FAM53A: variants seen among roughly 807,000 people sequenced by gnomAD.
FAM53A encodes the protein family with sequence similarity 53 member A.
A neutral mutation model predicts 26.6 loss-of-function variants in FAM53A; 28 were observed. That is an observed-to-expected ratio of 1.05 (90% CI 0.78 to 1.45). The LOEUF is 1.45. FAM53A is among the 40% of genes most tolerant of loss of function. The probability of loss-of-function intolerance (pLI) is 0.00; values close to 1 mark genes in which losing one functional copy is unlikely to be tolerated. For synonymous variants in FAM53A, 290 were observed against 253.1 expected (o/e 1.15, Z -1.38); for missense variants, 650 against 575.8 (o/e 1.13, Z -1.32).
At chr4:1,667,870 C>G (rs1045101744) in intron 2 of FAM53A, among the ~76,000 whole-genome samples, 5 of 152,184 alleles carry the variant, frequency 3.3e-5, no homozygotes, top group Non-Finnish European at 7.4e-5. Flanking sequence ...TGCCATCTAA[C>G]TAGGGCGGGG....
chr4:1,659,160 A>G lies in FAM53A; in HGVS notation c.76-1692T>C, dbSNP rs1379087641. Among the ~76,000 whole-genome samples the G allele has an allele frequency of 1.3e-5, 2 of 152,130 alleles. No homozygotes were observed. The highest frequency in any genetic ancestry group is 2.9e-5 in the Non-Finnish European group (2 of 68,000). ...AGCACGGCGGTGTGGAGCTGTGAGC[A>G]CCCGGCCACACCATGAGGACAGGGC... On this transcript the variant is annotated intron_variant, in intron 2 of 4. Transcript: ENST00000308132. The surrounding 1 kb of genome is among the most constrained non-coding windows in gnomAD (Gnocchi z 5.2).
At chr4:1,685,965 T>C (rs1333098857), upstream of FAM53A, among the ~76,000 whole-genome samples, 1 of 152,122 alleles carries the variant, frequency 6.6e-6, no homozygotes, top group Non-Finnish European at 1.5e-5. Flanking sequence ...GTGTGACTGA[T>C]TAACTTATAT....
At chr4:1,684,592 C>T (rs886405731), upstream of FAM53A, among the ~76,000 whole-genome samples, 1 of 151,742 alleles carries the variant, frequency 6.6e-6, no homozygotes, top group Non-Finnish European at 1.5e-5. Flanking sequence ...TCCTCCAGGC[C>T]TAGAAGGCAA....
chr4:1,641,694 G>A, intron 4 of FAM53A, 87 bp from the exon 5 acceptor site: 1 of 1,399,108 alleles, frequency 7.1e-7, no homozygotes, highest in Non-Finnish European at 1.0e-6. Context: ...GGCTCGGTGT[G>A]CTGGGGCTCT....
intron 1 of FAM53A, among the ~76,000 whole-genome samples, chr4:1,627,680 G>C (rs1715368532): frequency 6.6e-6 from 1 of 152,206 alleles, no homozygotes; most frequent in African/African-American, 2.4e-5. Flanking sequence ...CTGCAGCTGA[G>C]GCCTGCAGGG....
At chr4:1,603,782 A>G in the FAM53A span, among the ~76,000 whole-genome samples, 3 of 152,236 alleles carry the variant, frequency 2.0e-5, no homozygotes, top group Non-Finnish European at 4.4e-5. Context: ...AAAGTGGAAG[A>G]AGCAATGTCA....
intron 2 of FAM53A, among the ~76,000 whole-genome samples, chr4:1,665,484 T>G (rs963977989): frequency 6.8e-5 from 10 of 146,680 alleles, no homozygotes; most frequent in African/African-American, 2.5e-4. Context: ...CAAGACTCCA[T>G]CTCAAAAAAA....
downstream of FAM53A, among the ~76,000 whole-genome samples, chr4:1,638,802 GC>G (rs1715965677): frequency 1.3e-5 from 2 of 152,136 alleles, no homozygotes; most frequent in African/African-American, 4.8e-5. Context: ...GCAGTCAGTG[GC>G]CCCCCTCCTC....
intron 4 of FAM53A, among the ~76,000 whole-genome samples, chr4:1,648,205 T>C (rs898043663): frequency 3.9e-5 from 6 of 152,180 alleles, no homozygotes; most frequent in African/African-American, 1.2e-4. Context: ...AGAGAGACCC[T>C]GTCTCCAAAA....
chr4:1,685,911 C>CT (rs1278226417), upstream of FAM53A, among the ~76,000 whole-genome samples: 1 of 152,196 alleles, frequency 6.6e-6, no homozygotes, highest in East Asian at 1.9e-4. Flanking sequence ...ATCCTGGCCC[C>CT]TGTGGACTGG....
chr4:1,608,652 A>G, the FAM53A span, among the ~76,000 whole-genome samples: 2 of 151,470 alleles, frequency 1.3e-5, no homozygotes, highest in African/African-American at 4.9e-5. Context: ...CTACACACAC[A>G]CTCTGCTTAG....
the FAM53A span, among the ~76,000 whole-genome samples, chr4:1,611,613 A>G: frequency 6.6e-6 from 1 of 152,246 alleles, no homozygotes; most frequent in South Asian, 2.1e-4. Flanking sequence ...CTGGGCGGGC[A>G]GCACCGTGCC....
rs1238508785 is a variant in FAM53A at position 1,671,300 on chromosome 4, C to T, written c.-164-2395G>A. Among the ~76,000 whole-genome samples the T allele has an allele frequency of 4.2e-5, 6 of 141,624 alleles. No homozygotes were observed. The East Asian group carries it at 8.6e-4, about 20-fold the overall frequency. The allele number at this position is 141,624 out of a possible 152,430, so 92.9% of individuals were successfully genotyped here. On this transcript the variant is annotated intron_variant, in intron 1 of 4. Coordinates refer to ENST00000308132, the MANE Select transcript of FAM53A (RefSeq NM_001174070.3). ...AGCCACCAGCTCACAGCCACAGCCA[C>T]GGCCCGGACTCACCTCTGTCCCAGC...
the FAM53A span, among the ~76,000 whole-genome samples, chr4:1,595,281 C>T: frequency 6.6e-5 from 10 of 152,220 alleles, no homozygotes; most frequent in Non-Finnish European, 1.3e-4. Flanking sequence ...GGAGCCCCAC[C>T]GGCTCCTCTT....
chr4:1,583,841 A>G, the FAM53A span, among the ~76,000 whole-genome samples: 2,541 of 152,258 alleles, frequency 0.017, 69 homozygotes, highest in African/African-American at 0.058. Context: ...ATCCTTGTCA[A>G]TCCTGGGAAC....
At chr4:1,662,005 A>G (rs1279602987) in intron 2 of FAM53A, among the ~76,000 whole-genome samples, 1 of 152,130 alleles carries the variant, frequency 6.6e-6, no homozygotes, top group African/African-American at 2.4e-5. Flanking sequence ...TCGAGATGAC[A>G]GAATGACAGA....
At chr4:1,576,727 G>T in the FAM53A span, among the ~76,000 whole-genome samples, 2 of 152,360 alleles carry the variant, frequency 1.3e-5, no homozygotes, top group South Asian at 2.1e-4. Flanking sequence ...CCCCGGCTGG[G>T]GCCAGGGTCC....
the FAM53A span, among the ~76,000 whole-genome samples, chr4:1,587,183 A>G: frequency 6.6e-6 from 1 of 152,086 alleles, no homozygotes; most frequent in Non-Finnish European, 1.5e-5. Flanking sequence ...CTCCCATTCC[A>G]CTGGTTGTCT....
At chr4:1,627,712 C>G (rs902128009) in intron 1 of FAM53A, among the ~76,000 whole-genome samples, 4 of 152,130 alleles carry the variant, frequency 2.6e-5, no homozygotes, top group African/African-American at 9.7e-5. Flanking sequence ...GGGAGGAAGC[C>G]CAGGGCCAGA....
Sources: gnomAD v4.1 joint callset for allele counts (sites outside exome capture counted in the v4.1 genomes callset) on GRCh38, gnomAD v4.1.1 for gene constraint, Gnocchi (gnomAD v3.1) non-coding constraint, MANE v1.5 for transcripts, NCBI Gene and HGNC (gene_info 2026-07-23, HGNC 2026-07-21) for gene names.